Variants in SLC46A2 observed in about 807,000 individuals in gnomAD.
The protein encoded by SLC46A2 is solute carrier family 46 member 2.
A neutral mutation model predicts 33.1 loss-of-function variants in SLC46A2; 25 were observed. That is an observed-to-expected ratio of 0.76 (90% CI 0.55 to 1.06). The LOEUF (loss-of-function observed/expected upper bound fraction) is 1.06. Ranked by LOEUF, SLC46A2 falls within the 50% of genes least tolerant of loss-of-function variation. The pLI is 0.00. For synonymous variants in SLC46A2, 254 were observed against 275.9 expected (o/e 0.92, Z 0.79); for missense variants, 622 against 621.7 (o/e 1.00, Z 0.00).
Position 112,890,858 on chromosome 9 carries a change from C to T in SLC46A2, c.-177G>A, listed in dbSNP as rs1388068484. The T allele has an allele frequency of 2.7e-6, 2 of 751,096 alleles. No homozygotes were observed. The highest frequency in any genetic ancestry group is 4.1e-6 in the Non-Finnish European group (2 of 488,756). The allele number at this position is 751,096 out of a possible 1,614,324, so 46.5% of individuals were successfully genotyped here. On this transcript the variant is annotated 5_prime_UTR_variant, in exon 1 of 4. Coordinates refer to ENST00000374228, the MANE Select transcript of SLC46A2 (RefSeq NM_033051.4). The surrounding 1 kb of genome is among the most constrained non-coding windows in gnomAD (Gnocchi z 6.0). ...CGCGCCGGCCAGTGGCGAGCAGAGC[C>T]AGGGCACGCAGCGCCTGTGACAGCA...
chr9:112,884,998 A>G (rs1456154160), intron 3 of SLC46A2, among the ~76,000 whole-genome samples: 2 of 152,212 alleles, frequency 1.3e-5, no homozygotes, highest in Admixed American at 1.3e-4. Flanking sequence ...GCCAGGACTC[A>G]TACGAAAACA....
At chr9:112,888,899 T>TTTTG (rs1841683317) in intron 1 of SLC46A2, among the ~76,000 whole-genome samples, 1 of 137,520 alleles carries the variant, frequency 7.3e-6, no homozygotes, top group Non-Finnish European at 1.6e-5. Flanking sequence ...TTGTTTGTTT[T>TTTTG]TTTTTTTTTG....
intron 3 of SLC46A2, among the ~76,000 whole-genome samples, chr9:112,882,355 C>T (rs1046408407): frequency 6.6e-6 from 1 of 152,214 alleles, no homozygotes; most frequent in African/African-American, 2.4e-5. Flanking sequence ...AATTCCCCCA[C>T]CTCAGCCTCC....
In SLC46A2 at chr9:112,890,072, G is replaced by A. The variant is rs1380265704; in HGVS notation, c.610C>T (p.Gln204Ter). 6.2e-7 allele frequency: 1 copy of A among 1,613,642 alleles called. No homozygotes were observed. The highest frequency in any genetic ancestry group is 8.5e-7 in the Non-Finnish European group (1 of 1,179,996). ...LFKQMAGHSG[Q>*]GLILTACSVS... ...CTGCAGGCCGTCAGTATCAGGCCCT[G>A]CCCAGAGTGCCCAGCCATCTGCTTG... The change falls in exon 1 of 4, where the codon CAG becomes TAG. Residue 204 changes from glutamine (Q) to a stop codon, truncating the protein, a stop_gained. Coordinates refer to ENST00000374228, the MANE Select transcript of SLC46A2 (RefSeq NM_033051.4). LOFTEE classifies it high-confidence loss of function. This position sits in a 1 kb window ranked among gnomAD's most constrained non-coding sequence, Gnocchi z 6.0.
intron 1 of SLC46A2, among the ~76,000 whole-genome samples, chr9:112,888,570 T>C (rs1400009443): frequency 6.6e-6 from 1 of 152,244 alleles, no homozygotes; most frequent in Non-Finnish European, 1.5e-5. Context: ...GCTAGCTACA[T>C]TTCAACGGCT....
chr9:112,882,391 G>A (rs1367858074), intron 3 of SLC46A2, among the ~76,000 whole-genome samples: 2 of 152,208 alleles, frequency 1.3e-5, no homozygotes, highest in African/African-American at 4.8e-5. Flanking sequence ...ACAGGTGTGA[G>A]CCACTGCACC....
At chr9:112,886,921 G>T (rs953579194) in intron 2 of SLC46A2, among the ~76,000 whole-genome samples, 2 of 152,056 alleles carry the variant, frequency 1.3e-5, no homozygotes, top group Admixed American at 1.3e-4. Context: ...AGAGATGGGG[G>T]TCTCACTATG....
intron 1 of SLC46A2, among the ~76,000 whole-genome samples, chr9:112,888,535 AT>A (rs1160477346): frequency 6.6e-6 from 1 of 152,230 alleles, no homozygotes; most frequent in African/African-American, 2.4e-5. Context: ...ATGACATAAA[AT>A]TTAAAAATCT....
At chr9:112,886,746 A>G (rs932264480) in intron 2 of SLC46A2, 130 bp from the exon 3 acceptor site, 1 of 958,202 alleles carries the variant, frequency 1.0e-6, no homozygotes, top group African/African-American at 1.6e-5. Flanking sequence ...TTTTTTAGAG[A>G]CAGAGTCTTA....
rs917829603 is a variant in SLC46A2, at chr9:112,887,368, C to T, written c.1175G>A (p.Arg392Gln). The T allele has an allele frequency of 8.7e-6, 14 of 1,611,836 alleles. No individual in the cohort carries two copies. In the Admixed American group the frequency reaches 1.3e-4, roughly 15 times the overall value. ...LFALIPVTTI[R>Q]SAMSKLIKGS... ...CTTTATGAGTTTGGACATAGCTGATCGGATGGTTGTGACGGGGATGAGAGC... is the reference window on the plus strand; with the variant it reads ...CTTTATGAGTTTGGACATAGCTGATTGGATGGTTGTGACGGGGATGAGAGC... The change falls in exon 2 of 4, where the codon CGA (arginine) becomes CAA (glutamine). Residue 392 changes from arginine to glutamine, a missense_variant. By Grantham distance (43) the Arg-to-Gln change is conservative. Coordinates refer to ENST00000374228, the MANE Select transcript of SLC46A2 (RefSeq NM_033051.4).
In SLC46A2 at chr9:112,887,927, G is replaced by GTA. The variant is rs1379639744; in HGVS notation, c.1130-515_1130-514insTA. On this transcript the variant is annotated intron_variant, in intron 1 of 3. Coordinates refer to ENST00000374228, the MANE Select transcript of SLC46A2 (RefSeq NM_033051.4). ...ATCCAGATGCAGTGTGTGTGTGTGT[G>GTA]TGTGTGTGTGTGTGTGTGTGAGAGA... Among the ~76,000 whole-genome samples, 5 of 139,512 alleles carry GTA rather than the reference G, an allele frequency of 3.6e-5. No individual in the cohort carries two copies. The Admixed American group carries it at 3.7e-4, about 10-fold the overall frequency. The allele number at this position is 139,512 out of a possible 152,430, so 91.5% of individuals were successfully genotyped here.
In SLC46A2 at chr9:112,879,703, T is replaced by C. The variant is rs1841554366; in HGVS notation, c.*59A>G. ...AGGTCACCAGTTCCCTGGTCCCTTC[T>C]TTTGTCTTCTGGGGGCCTGGCCATG... On this transcript the variant is annotated 3_prime_UTR_variant, in exon 4 of 4. Coordinates refer to ENST00000374228, the MANE Select transcript of SLC46A2 (RefSeq NM_033051.4). 1.3e-6 allele frequency: 2 copies of C among 1,527,650 alleles called. No homozygotes were observed. 94.6% of individuals were successfully genotyped at this position (1,527,650 alleles called of 1,614,324 possible).
chr9:112,884,599 C>G (rs1448376832), intron 3 of SLC46A2, among the ~76,000 whole-genome samples: 1 of 152,196 alleles, frequency 6.6e-6, no homozygotes, highest in Non-Finnish European at 1.5e-5. Flanking sequence ...GTCAGAATCT[C>G]TGGTGGGTGG....
chr9:112,880,155 A>AC lies in SLC46A2; in HGVS notation c.1371-337dup, dbSNP rs1401775149. On this transcript the variant is annotated intron_variant, in intron 3 of 3. Transcript: ENST00000374228. ...AGACCAGCCTGGCCAACCTGGTGAAACCCCAACTCTACTAAAAATACAAAA... is the reference window on the plus strand; with the variant it reads ...AGACCAGCCTGGCCAACCTGGTGAAACCCCCAACTCTACTAAAAATACAAAA... 27 of 186,166 alleles carry AC rather than the reference A, an allele frequency of 1.5e-4. No individual in the cohort carries two copies. In the East Asian group the frequency reaches 2.8e-3, roughly 19 times the overall value. 11.5% of individuals were successfully genotyped at this position (186,166 alleles called of 1,614,324 possible). A position where few individuals can be genotyped will look rare whatever the true frequency, so the allele number is the denominator to read the frequency against.
intron 3 of SLC46A2, chr9:112,885,418 G>A (rs1392644898): frequency 8.7e-6 from 1 of 115,388 alleles, no homozygotes; most frequent in African/African-American, 3.5e-5. Context: ...CATGTATTCT[G>A]TGTGTGTATA....
chr9:112,882,016 A>C (rs1254616387), intron 3 of SLC46A2, among the ~76,000 whole-genome samples: 1 of 152,174 alleles, frequency 6.6e-6, no homozygotes, highest in East Asian at 1.9e-4. Flanking sequence ...GAGGGTGGTC[A>C]ATGGCAGGAA....
intron 1 of SLC46A2, 59 bp from the exon 2 acceptor site, chr9:112,887,472 A>G: frequency 1.4e-6 from 2 of 1,480,584 alleles, no homozygotes; most frequent in Non-Finnish European, 1.8e-6. Flanking sequence ...CAAGGAGGAA[A>G]TTATCAAAAG....
chr9:112,889,762 A>G lies in SLC46A2; in HGVS notation c.920T>C (p.Phe307Ser). Residue 307 changes from phenylalanine (F) to serine (S), a missense_variant, in exon 1 of 4, where the codon TTT (phenylalanine) becomes TCT (serine). By Grantham distance (155) the Phe-to-Ser change is radical. Coordinates refer to ENST00000374228, the MANE Select transcript of SLC46A2 (RefSeq NM_033051.4). ...CCAACCGAGAGGCTCCCTCAGCACA[A>G]AAAGAGGGATCACGTCCACTGTGCC... is the stretch of plus-strand genomic sequence containing the variant. ...VVGTVDVIPL[F>S]VLREPLGWNQ... 1 of 1,614,112 alleles carries G rather than the reference A, an allele frequency of 6.2e-7. No homozygotes were observed.
chr9:112,883,941 C>T (rs1315013619), intron 3 of SLC46A2, among the ~76,000 whole-genome samples: 4 of 152,160 alleles, frequency 2.6e-5, no homozygotes, highest in Non-Finnish European at 4.4e-5. Context: ...ATGATCCATC[C>T]GCCTTGGCCT....
Sources: gnomAD v4.1 joint callset for allele counts (sites outside exome capture counted in the v4.1 genomes callset) on GRCh38, gnomAD v4.1.1 for gene constraint, Gnocchi (gnomAD v3.1) non-coding constraint, MANE v1.5 for transcripts, NCBI Gene and HGNC (gene_info 2026-07-23, HGNC 2026-07-21) for gene names.